The following RTL4 variants were observed in gnomAD, a reference collection of about 807,000 sequenced individuals.
The protein encoded by RTL4 is retrotransposon Gag like 4, also known as retrotransposon Gag-like protein 4.
RTL4 carries 4 observed loss-of-function variants against 5.3 expected under a neutral mutation model. The ratio of observed to expected loss-of-function variants is 0.75; its 90% CI spans 0.37 to 1.72. The LOEUF is 1.72. RTL4 is among the 40% of genes most tolerant of loss of function. RTL4 has a pLI of 0.04. For synonymous variants in RTL4, 98 were observed against 87.3 expected (o/e 1.12, Z -0.68); for missense variants, 260 against 227.1 (o/e 1.14, Z -0.93).
At chrX:112,383,905 C>T in the RTL4 span, among the ~76,000 whole-genome samples, 23 of 111,435 alleles carry the variant, frequency 2.1e-4, no homozygotes, top group South Asian at 8.6e-3. Flanking sequence ...GTGATGAGAC[C>T]GTTTGTATCC....
chrX:112,097,354 G>A, the RTL4 span, among the ~76,000 whole-genome samples: 19 of 111,080 alleles, frequency 1.7e-4, no homozygotes, highest in Non-Finnish European at 3.2e-4. Flanking sequence ...AAGAGAAACA[G>A]GCCAGGCATG....
the RTL4 span, among the ~76,000 whole-genome samples, chrX:112,400,249 G>A: frequency 9.0e-6 from 1 of 111,443 alleles, no homozygotes. Flanking sequence ...TCACAGCTCT[G>A]TCTGATGCTC....
chrX:112,227,370 C>T, the RTL4 span, among the ~76,000 whole-genome samples: 1 of 111,636 alleles, frequency 9.0e-6, no homozygotes, highest in Non-Finnish European at 1.9e-5. Flanking sequence ...GCTTGAATGG[C>T]AGCCAGCCTC....
In RTL4 at chrX:112,455,154, G is replaced by T. The variant is rs745463737; in HGVS notation, c.426G>T (p.Gln142His). ...AGTCATTTGGTAAACCCACAAAACA[G>T]GAAATCAATCCTCTGATGAATGCTA... Residue 142 changes from glutamine to histidine, a missense_variant, in exon 1 of 1, where the codon CAG becomes CAT. By Grantham distance (24) the Gln-to-His change is conservative (BLOSUM62 0). Coordinates refer to ENST00000340433, the Ensembl canonical transcript of RTL4. 3 of 1,211,696 alleles carry T rather than the reference G, an allele frequency of 2.5e-6. No individual in the cohort carries two copies. In the Admixed American group the frequency reaches 6.5e-5, roughly 26 times the overall value.
chrX:112,373,737 T>C, the RTL4 span, among the ~76,000 whole-genome samples: 1 of 109,862 alleles, frequency 9.1e-6, no homozygotes, highest in African/African-American at 3.3e-5. Context: ...ATAGAACATT[T>C]TTAACACTTC....
chrX:112,345,163 A>G, the RTL4 span, among the ~76,000 whole-genome samples: 1 of 110,917 alleles, frequency 9.0e-6, no homozygotes, highest in Non-Finnish European at 1.9e-5. Flanking sequence ...TAGCTCCCAT[A>G]CTTCCCTTAT....
chrX:112,328,865 T>C, the RTL4 span, among the ~76,000 whole-genome samples: 3 of 111,686 alleles, frequency 2.7e-5, no homozygotes, highest in African/African-American at 9.8e-5. Flanking sequence ...CACTCAAAAC[T>C]GCTCAACTAC....
the RTL4 span, among the ~76,000 whole-genome samples, chrX:112,177,353 T>G: frequency 5.4e-5 from 6 of 111,156 alleles, no homozygotes; most frequent in Non-Finnish European, 9.4e-5. Flanking sequence ...TTTTTGTCTT[T>G]TTGATAATAG....
chrX:112,385,817 G>T, the RTL4 span, among the ~76,000 whole-genome samples: 1 of 111,843 alleles, frequency 8.9e-6, no homozygotes, highest in African/African-American at 3.2e-5. Flanking sequence ...AAAAAATTTT[G>T]CTCCAGATTA....
the RTL4 span, among the ~76,000 whole-genome samples, chrX:112,156,255 A>G: frequency 2.7e-5 from 3 of 112,601 alleles, no homozygotes; most frequent in South Asian, 1.1e-3. Context: ...GTTATTTTAC[A>G]TATTACCCAA....
the RTL4 span, among the ~76,000 whole-genome samples, chrX:112,433,545 G>T: frequency 9.6e-4 from 60 of 62,595 alleles, no homozygotes; most frequent in African/African-American, 2.1e-3. Flanking sequence ...TCTGTTATTG[G>T]TGTATAAGAA....
the RTL4 span, among the ~76,000 whole-genome samples, chrX:112,198,714 C>G: frequency 1.8e-5 from 2 of 111,280 alleles, no homozygotes; most frequent in Non-Finnish European, 3.8e-5. Flanking sequence ...ACTATCCATC[C>G]CTCCATTCAA....
the RTL4 span, among the ~76,000 whole-genome samples, chrX:112,445,102 G>A: frequency 4.5e-5 from 5 of 111,471 alleles, no homozygotes; most frequent in South Asian, 3.7e-4. Context: ...GGACAGAAGG[G>A]CTTTACAAAG....
At chrX:112,328,814 G>A in the RTL4 span, among the ~76,000 whole-genome samples, 1 of 111,956 alleles carries the variant, frequency 8.9e-6, no homozygotes, top group Non-Finnish European at 1.9e-5. Context: ...CTATCTCTCA[G>A]ACCACAGTGC....
chrX:112,256,076 G>A, the RTL4 span, among the ~76,000 whole-genome samples: 2 of 111,802 alleles, frequency 1.8e-5, no homozygotes, highest in Non-Finnish European at 3.8e-5. Flanking sequence ...ACCTGTTTGA[G>A]TGAGCTCTCC....
At chrX:112,237,774 A>T in the RTL4 span, among the ~76,000 whole-genome samples, 1 of 112,224 alleles carries the variant, frequency 8.9e-6, no homozygotes, top group Non-Finnish European at 1.9e-5. Context: ...ATATTTGCTC[A>T]GCACCTAGCG....
the RTL4 span, among the ~76,000 whole-genome samples, chrX:112,352,927 A>C: frequency 3.6e-5 from 4 of 111,770 alleles, no homozygotes; most frequent in Non-Finnish European, 5.7e-5. Flanking sequence ...TTCGCAATCT[A>C]CTTATCTGCC....
the RTL4 span, among the ~76,000 whole-genome samples, chrX:112,270,499 G>T: frequency 9.0e-6 from 1 of 111,718 alleles, no homozygotes; most frequent in Non-Finnish European, 1.9e-5. Flanking sequence ...CACCCAGCAG[G>T]ATCCCTAAGG....
the RTL4 span, among the ~76,000 whole-genome samples, chrX:112,208,615 G>A: frequency 8.9e-6 from 1 of 112,123 alleles, no homozygotes; most frequent in Non-Finnish European, 1.9e-5. Context: ...AAGGAAGAAA[G>A]TCAGCTTCAA....
Sources: allele counts gnomAD v4.1 joint callset (sites outside exome capture counted in the v4.1 genomes callset), GRCh38; gene constraint gnomAD v4.1.1; transcripts MANE v1.5; gene names NCBI Gene and HGNC (gene_info 2026-07-23, HGNC 2026-07-21).